Variants in LRFN5 observed in about 807,000 individuals in gnomAD.
LRFN5 encodes the protein leucine-rich repeat and fibronectin type-III domain-containing protein 5.
LRFN5 carries 24 observed loss-of-function variants against 45.6 expected under a neutral mutation model. That is an observed-to-expected ratio of 0.53 (90% CI 0.38 to 0.74). The LOEUF is 0.74. LRFN5 is among the 30% of genes least tolerant of loss of function. The pLI is 0.00. For synonymous variants in LRFN5, 340 were observed against 313.8 expected (o/e 1.08, Z -0.88); for missense variants, 776 against 861.5 (o/e 0.90, Z 1.24).
At chr14:41,861,608 T>G (rs1204227292) in intron 2 of LRFN5, among the ~76,000 whole-genome samples, 3 of 152,190 alleles carry the variant, frequency 2.0e-5, no homozygotes, top group African/African-American at 7.2e-5. Flanking sequence ...TATTTATCTC[T>G]GTATTTCCAA....
At chr14:41,880,054 A>G (rs922522847) in intron 2 of LRFN5, among the ~76,000 whole-genome samples, 4 of 150,240 alleles carry the variant, frequency 2.7e-5, no homozygotes, top group African/African-American at 7.4e-5. Context: ...CAGCATCCCC[A>G]GTAGCTGGGA....
At chr14:41,643,180 G>T in intron 1 of LRFN5, among the ~76,000 whole-genome samples, 1 of 152,104 alleles carries the variant, frequency 6.6e-6, no homozygotes, top group African/African-American at 2.4e-5. Flanking sequence ...GATATTCTGT[G>T]GTTCTTTTAT....
intron 1 of LRFN5, among the ~76,000 whole-genome samples, chr14:41,683,193 G>A (rs779881529): frequency 3.9e-5 from 6 of 152,104 alleles, no homozygotes; most frequent in Non-Finnish European, 5.9e-5. Flanking sequence ...GTGATACATC[G>A]TATCAATAGA....
intron 5 of LRFN5, among the ~76,000 whole-genome samples, chr14:41,899,562 T>A (rs912436574): frequency 8.5e-5 from 13 of 152,134 alleles, no homozygotes; most frequent in African/African-American, 3.1e-4. Context: ...TTTAATTGGA[T>A]CAGAGAGTGT....
intron 2 of LRFN5, among the ~76,000 whole-genome samples, chr14:41,789,773 C>T (rs914141735): frequency 6.6e-6 from 1 of 151,896 alleles, no homozygotes; most frequent in Non-Finnish European, 1.5e-5. Flanking sequence ...CTAAGATAAA[C>T]ATAGTGATTT....
chr14:41,832,782 C>G (rs12588271), intron 2 of LRFN5, among the ~76,000 whole-genome samples: 4 of 152,078 alleles, frequency 2.6e-5, no homozygotes, highest in South Asian at 4.2e-4. Flanking sequence ...TTCAAAATGC[C>G]GTTCTACTTT....
At chr14:41,732,447 T>A (rs905995394) in intron 1 of LRFN5, among the ~76,000 whole-genome samples, 5 of 152,218 alleles carry the variant, frequency 3.3e-5, no homozygotes, top group Non-Finnish European at 4.4e-5. Flanking sequence ...AAATATTTTT[T>A]AAAAATACAT....
At chr14:41,742,137 T>C (rs1884723544) in intron 1 of LRFN5, among the ~76,000 whole-genome samples, 2 of 151,794 alleles carry the variant, frequency 1.3e-5, no homozygotes, top group African/African-American at 4.8e-5. Context: ...GTAGATTCCA[T>C]ATGACCCCAA....
At chr14:41,900,037 T>C (rs1388075817) in intron 5 of LRFN5, among the ~76,000 whole-genome samples, 1 of 151,608 alleles carries the variant, frequency 6.6e-6, no homozygotes, top group Non-Finnish European at 1.5e-5. Flanking sequence ...TCTCTTTCCA[T>C]CTCTCTCTCT....
intron 2 of LRFN5, among the ~76,000 whole-genome samples, chr14:41,826,570 CCAATATATACT>C (rs1888302401): frequency 6.6e-6 from 1 of 152,048 alleles, no homozygotes; most frequent in African/African-American, 2.4e-5. Context: ...CTCTGTTGGT[CCAATATATACT>C]CAATAATAAC....
At chr14:41,778,233 A>G (rs1886362707) in intron 2 of LRFN5, among the ~76,000 whole-genome samples, 1 of 151,732 alleles carries the variant, frequency 6.6e-6, no homozygotes, top group South Asian at 2.1e-4. Flanking sequence ...AAAATAAATG[A>G]GCAATTAGGC....
rs540188767 is a variant in LRFN5 at position 41,758,766 on chromosome 14, T to C, written c.-196-8088T>C. ...CTGACCTTATGGAAAATTTGTCCCA[T>C]ACAGCCTTCATAGTTTAACTTTGTT... On this transcript the variant is annotated intron_variant, in intron 1 of 5. Transcript: ENST00000298119. Among the ~76,000 whole-genome samples the C allele has an allele frequency of 1.1e-4, 16 of 152,334 alleles. No homozygotes were observed. The South Asian group carries it at 3.1e-3, about 30-fold the overall frequency.
rs914212982 is a variant in LRFN5, at chr14:41,671,617, G to GTTTTTTTTTTTTTTTTTTT, written c.-197+63057_-197+63075dup. On this transcript the variant is annotated intron_variant, in intron 1 of 5. Transcript: ENST00000298119. The stretch of plus-strand genomic sequence containing the variant: ...TGTGGAGGAGAGATTTTTTTTTTTC[G>GTTTTTTTTTTTTTTTTTTT]TTTTTTTTTTTTTTTTTTTTACGGA... Among the ~76,000 whole-genome samples the GTTTTTTTTTTTTTTTTTTT allele has an allele frequency of 6.9e-4, 54 of 78,026 alleles. 10 individuals carry two copies. Among genetic ancestry groups the GTTTTTTTTTTTTTTTTTTT allele is most frequent in the African/African-American group, 2.6e-3 (48 of 18,600 alleles). The allele number at this position is 78,026 out of a possible 152,430, so 51.2% of individuals were successfully genotyped here. A position where few individuals can be genotyped will look rare whatever the true frequency, so the allele number is the denominator to read the frequency against.
chr14:41,832,914 T>C (rs968737071), intron 2 of LRFN5, among the ~76,000 whole-genome samples: 2 of 152,190 alleles, frequency 1.3e-5, no homozygotes, highest in Non-Finnish European at 2.9e-5. Flanking sequence ...AGAAACATTG[T>C]GGGAAGGGAA....
At chr14:41,857,625 G>A (rs1889516520) in intron 2 of LRFN5, among the ~76,000 whole-genome samples, 2 of 152,068 alleles carry the variant, frequency 1.3e-5, no homozygotes, top group Non-Finnish European at 2.9e-5. Flanking sequence ...CACTGTGGTC[G>A]AACCTGTACT....
At chr14:41,881,562 C>T (rs1317259329) in intron 2 of LRFN5, among the ~76,000 whole-genome samples, 1 of 151,910 alleles carries the variant, frequency 6.6e-6, no homozygotes, top group Non-Finnish European at 1.5e-5. Context: ...ACTCTGGAAT[C>T]TTTTCAGATA....
intron 1 of LRFN5, among the ~76,000 whole-genome samples, chr14:41,615,640 T>C (rs540951035): frequency 6.6e-6 from 1 of 152,250 alleles, no homozygotes; most frequent in South Asian, 2.1e-4. Flanking sequence ...CATTACTTCA[T>C]TGCTTTTGGA....
chr14:41,816,333 G>A (rs1887916638), intron 2 of LRFN5, among the ~76,000 whole-genome samples: 1 of 151,920 alleles, frequency 6.6e-6, no homozygotes, highest in Non-Finnish European at 1.5e-5. Flanking sequence ...GATCAATTAA[G>A]AACAAGAAAA....
chr14:41,781,558 GAGAAAGAAAGAA>G (rs55859357), intron 2 of LRFN5, among the ~76,000 whole-genome samples: 15,011 of 106,726 alleles, frequency 0.14, 1,178 homozygotes, highest in East Asian at 0.25. Context: ...AGAAAAGAAA[GAGAAAGAAAGAA>G]AGAAAGAAAG....
Sources: allele counts gnomAD v4.1 joint callset (sites outside exome capture counted in the v4.1 genomes callset), GRCh38; gene constraint gnomAD v4.1.1; transcripts MANE v1.5; gene names NCBI Gene and HGNC (gene_info 2026-07-23, HGNC 2026-07-21).